HCN1: variants seen among roughly 807,000 people sequenced by gnomAD.
HCN1 encodes the protein hyperpolarization activated cyclic nucleotide gated potassium channel 1.
Under a neutral mutation model 78.9 loss-of-function variants are expected in HCN1, and 13 were observed. The observed-to-expected ratio is 0.16, with a 90% CI of 0.11 to 0.26. The LOEUF (loss-of-function observed/expected upper bound fraction) is 0.26. Ranked by LOEUF, HCN1 falls within the 10% of genes least tolerant of loss-of-function variation. HCN1 has a pLI of 1.00. For missense variants in HCN1, 810 were observed against 1,154.3 expected (o/e 0.70, Z 4.32); for synonymous variants, 552 against 455.5 (o/e 1.21, Z -2.70).
intron 1 of HCN1, among the ~76,000 whole-genome samples, chr5:45,659,831 G>C (rs1253077242): frequency 8.7e-6 from 1 of 114,660 alleles, no homozygotes. Context: ...CGTCTGATTG[G>C]TGTACCTGAA....
intron 2 of HCN1, among the ~76,000 whole-genome samples, chr5:45,598,519 T>C (rs961173664): frequency 1.4e-4 from 21 of 152,136 alleles, no homozygotes; most frequent in African/African-American, 5.1e-4. Flanking sequence ...AAAGACTTCA[T>C]TACTAAAACA....
intron 6 of HCN1, among the ~76,000 whole-genome samples, chr5:45,277,192 C>T (rs1323128550): frequency 6.6e-6 from 1 of 152,042 alleles, no homozygotes; most frequent in Non-Finnish European, 1.5e-5. Context: ...AGATAGTTAG[C>T]CTCTCTTTCT....
Position 45,553,808 on chromosome 5 carries a change from G to GT in HCN1, c.849+91376dup, listed in dbSNP as rs1226569706. 2.0e-5 allele frequency among the ~76,000 whole-genome samples: 3 copies of GT among 151,810 alleles called. No homozygotes were observed. The East Asian group carries it at 5.9e-4, about 30-fold the overall frequency. On this transcript the variant is annotated intron_variant, in intron 2 of 7. Coordinates refer to ENST00000303230, the MANE Select transcript of HCN1 (RefSeq NM_021072.4). ...ACTTGTTTTTTAATCCTTTCATGCTGTTTTTTATTGATTTTTTCAAATATT... is the reference window on the plus strand; with the variant it reads ...ACTTGTTTTTTAATCCTTTCATGCTGTTTTTTTATTGATTTTTTCAAATATT...
rs1293811759 is a variant in HCN1 at position 45,373,977 on chromosome 5, G to GATACATAATATATATAATATATATTAT, written c.1231-20758_1231-20732dup. On this transcript the variant is annotated intron_variant, in intron 4 of 7. Coordinates refer to ENST00000303230, the MANE Select transcript of HCN1 (RefSeq NM_021072.4). Reference sequence around the variant, plus strand: ...CATATATAATATATTACATACAGTAGATACATAATATATATAATATATATT... The same window carrying GATACATAATATATATAATATATATTAT: ...CATATATAATATATTACATACAGTAGATACATAATATATATAATATATATTATATACATAATATATATAATATATATT... Among the ~76,000 whole-genome samples, 299 of 59,560 alleles carry GATACATAATATATATAATATATATTAT rather than the reference G, an allele frequency of 5.0e-3. 7 individuals carry two copies. The highest frequency in any genetic ancestry group is 9.0e-3 in the South Asian group (21 of 2,326). 39.1% of individuals were successfully genotyped at this position (59,560 alleles called of 152,430 possible).
chr5:45,570,875 C>A (rs1199076587), intron 2 of HCN1, among the ~76,000 whole-genome samples: 3 of 152,050 alleles, frequency 2.0e-5, no homozygotes, highest in Non-Finnish European at 4.4e-5. Context: ...ATTTAAAATT[C>A]TTTTGTGACA....
chr5:45,396,716 A>AT lies in HCN1; in HGVS notation c.1012-7_1012-6insA. The AT allele has an allele frequency of 6.2e-7, 1 of 1,611,682 alleles. No homozygotes were observed. The highest frequency in any genetic ancestry group is 2.2e-5 in the East Asian group (1 of 44,824). On this transcript the variant is annotated splice_polypyrimidine_tract_variant and splice_region_variant and intron_variant, in intron 3 of 7. Coordinates refer to ENST00000303230, the MANE Select transcript of HCN1 (RefSeq NM_021072.4). The stretch of plus-strand genomic sequence containing the variant: ...TGCTTTCCCCAAGAATCATTCTGCA[A>AT]CATAAGATAAAAAGAAAATTGACTG...
rs374818203 is a variant in HCN1, at chr5:45,355,855, A to G, written c.1231-2609T>C. Among the ~76,000 whole-genome samples the G allele has an allele frequency of 2.0e-5, 3 of 152,158 alleles. No individual in the cohort carries two copies. In the East Asian group the frequency reaches 5.8e-4, roughly 29 times the overall value. ...ATTAAATTTCACAGGGGGTGTGGTC[A>G]AAAGGAATCTATTCTAAGAAAACAG... On this transcript the variant is annotated intron_variant, in intron 4 of 7. Coordinates refer to ENST00000303230, the MANE Select transcript of HCN1 (RefSeq NM_021072.4).
At chr5:45,316,639 T>C (rs534555491) in intron 5 of HCN1, among the ~76,000 whole-genome samples, 8 of 152,288 alleles carry the variant, frequency 5.3e-5, no homozygotes, top group South Asian at 2.1e-4. Context: ...TGTTGGTAGA[T>C]GACATGACTG....
At chr5:45,489,632 C>G (rs910919674) in intron 2 of HCN1, among the ~76,000 whole-genome samples, 1 of 152,066 alleles carries the variant, frequency 6.6e-6, no homozygotes, top group African/African-American at 2.4e-5. Flanking sequence ...CTTAGGCAAC[C>G]AGCTTCAGTT....
intron 3 of HCN1, among the ~76,000 whole-genome samples, chr5:45,458,485 G>T (rs968883745): frequency 1.3e-5 from 2 of 151,896 alleles, no homozygotes; most frequent in Non-Finnish European, 2.9e-5. Flanking sequence ...ACTTGATTTT[G>T]GTTTTCTACA....
chr5:45,536,091 C>T (rs1193535895), intron 2 of HCN1, among the ~76,000 whole-genome samples: 1 of 151,972 alleles, frequency 6.6e-6, no homozygotes, highest in African/African-American at 2.4e-5. Flanking sequence ...TTGTATTCTC[C>T]TCTCACTCTA....
chr5:45,350,714 A>G (rs1289174728), intron 5 of HCN1, among the ~76,000 whole-genome samples: 1 of 151,260 alleles, frequency 6.6e-6, no homozygotes, highest in Non-Finnish European at 1.5e-5. Flanking sequence ...AATCACAAGC[A>G]TTCTTATACA....
chr5:45,623,421 T>C (rs1745106637), intron 2 of HCN1, among the ~76,000 whole-genome samples: 1 of 152,180 alleles, frequency 6.6e-6, no homozygotes, highest in South Asian at 2.1e-4. Context: ...TCTGAGACTT[T>C]CATAAATAGG....
At chr5:45,373,786 G>A (rs1290341651) in intron 4 of HCN1, among the ~76,000 whole-genome samples, 14 of 103,856 alleles carry the variant, frequency 1.3e-4, no homozygotes, top group South Asian at 2.9e-4. Context: ...TATTACATAC[G>A]GTATATACGT....
At chr5:45,656,469 T>A (rs527376112) in intron 1 of HCN1, among the ~76,000 whole-genome samples, 2 of 152,170 alleles carry the variant, frequency 1.3e-5, no homozygotes, top group Non-Finnish European at 2.9e-5. Context: ...CAAACATTCA[T>A]TGAGCAGCAA....
intron 5 of HCN1, among the ~76,000 whole-genome samples, chr5:45,309,821 A>G (rs1178604592): frequency 6.6e-6 from 1 of 152,078 alleles, no homozygotes; most frequent in Non-Finnish European, 1.5e-5. Context: ...ATTGGGCTGA[A>G]GTTTTCTTTT....
chr5:45,396,993 C>A (rs1044096887), intron 3 of HCN1, among the ~76,000 whole-genome samples: 28 of 152,136 alleles, frequency 1.8e-4, no homozygotes, highest in African/African-American at 6.3e-4. Context: ...CAATGGTATG[C>A]CATGTAATAA....
At chr5:45,585,964 C>G (rs976052666) in intron 2 of HCN1, among the ~76,000 whole-genome samples, 1 of 152,184 alleles carries the variant, frequency 6.6e-6, no homozygotes, top group Non-Finnish European at 1.5e-5. Flanking sequence ...TTAGGCTACT[C>G]GGGGGTCAGG....
At chr5:45,313,645 G>C (rs1745909598) in intron 5 of HCN1, among the ~76,000 whole-genome samples, 1 of 152,196 alleles carries the variant, frequency 6.6e-6, no homozygotes, top group Non-Finnish European at 1.5e-5. Flanking sequence ...TGGCTAACTA[G>C]AACAACCAGT....
Sources: allele counts gnomAD v4.1 joint callset (sites outside exome capture counted in the v4.1 genomes callset), GRCh38; gene constraint gnomAD v4.1.1; transcripts MANE v1.5; gene names NCBI Gene and HGNC (gene_info 2026-07-23, HGNC 2026-07-21).